The following PIP5K1B variants were observed in gnomAD, a reference collection of about 807,000 sequenced individuals.
PIP5K1B encodes the protein phosphatidylinositol 4-phosphate 5-kinase type-1 beta.
In PIP5K1B, 42 loss-of-function variants were observed where a neutral mutation model predicts 67.0. That is an observed-to-expected ratio of 0.63 (90% CI 0.49 to 0.81). The LOEUF (loss-of-function observed/expected upper bound fraction) is 0.81, where lower values mean the gene tolerates loss of function less well. Ranked by LOEUF, PIP5K1B falls within the 30% of genes least tolerant of loss-of-function variation. PIP5K1B has a pLI of 0.00. For missense variants in PIP5K1B, 459 were observed against 646.3 expected, an observed-to-expected ratio of 0.71 and a Z score of 3.14; for synonymous variants, 214 against 231.4, an observed-to-expected ratio of 0.92 and a Z score of 0.68.
intron 2 of PIP5K1B, among the ~76,000 whole-genome samples, chr9:68,758,511 AAG>A (rs1830042270): frequency 6.6e-6 from 1 of 152,158 alleles, no homozygotes; most frequent in African/African-American, 2.4e-5. Flanking sequence ...ACAGAGGTGA[AAG>A]AGAGGAAAGT....
At chr9:68,963,905 A>C (rs940735396) in intron 14 of PIP5K1B, 1 of 152,236 alleles carries the variant, frequency 6.6e-6, no homozygotes, top group Non-Finnish European at 1.5e-5. Flanking sequence ...AAGCCAAATT[A>C]AATGAAAGCT....
At chr9:68,955,883 G>A (rs1055223640) in intron 14 of PIP5K1B, among the ~76,000 whole-genome samples, 5 of 152,088 alleles carry the variant, frequency 3.3e-5, no homozygotes, top group African/African-American at 1.2e-4. Flanking sequence ...GATGTGTACT[G>A]TATGCAATGT....
intron 13 of PIP5K1B, among the ~76,000 whole-genome samples, chr9:68,937,192 C>G (rs763060066): frequency 6.6e-6 from 1 of 152,196 alleles, no homozygotes; most frequent in Non-Finnish European, 1.5e-5. Flanking sequence ...ATGGTATCAG[C>G]TCTTCTTTGT....
At chr9:68,943,131 G>T (rs1008127505) in intron 14 of PIP5K1B, among the ~76,000 whole-genome samples, 1 of 152,150 alleles carries the variant, frequency 6.6e-6, no homozygotes, top group African/African-American at 2.4e-5. Context: ...AAAATACCCA[G>T]ATTCTTTTGC....
chr9:68,995,805 CA>C (rs35764883), intron 15 of PIP5K1B, among the ~76,000 whole-genome samples: 3,858 of 100,278 alleles, frequency 0.038, 144 homozygotes, highest in African/African-American at 0.14. Context: ...AACTCCGTCT[CA>C]AAAAAAAAAA....
intron 5 of PIP5K1B, among the ~76,000 whole-genome samples, chr9:68,875,571 C>G (rs1823851584): frequency 6.6e-6 from 1 of 152,088 alleles, no homozygotes; most frequent in African/African-American, 2.4e-5. Flanking sequence ...ATGCAAGAAT[C>G]TGATTGATCT....
At chr9:68,840,616 A>T (rs1202289194) in intron 4 of PIP5K1B, among the ~76,000 whole-genome samples, 1 of 152,170 alleles carries the variant, frequency 6.6e-6, no homozygotes, top group African/African-American at 2.4e-5. Context: ...TTCTTGGCTC[A>T]TGGCCGCTTC....
intron 12 of PIP5K1B, among the ~76,000 whole-genome samples, chr9:68,934,240 A>G (rs1472976098): frequency 6.6e-6 from 1 of 152,228 alleles, no homozygotes; most frequent in Admixed American, 6.5e-5. Context: ...TCATTAGTTC[A>G]GGTTCCCAAC....
intron 1 of PIP5K1B, among the ~76,000 whole-genome samples, chr9:68,721,683 G>A (rs1018931579): frequency 3.9e-5 from 6 of 152,130 alleles, no homozygotes; most frequent in Non-Finnish European, 5.9e-5. Flanking sequence ...GCATGAGATC[G>A]AATGAGATTG....
At chr9:68,771,812 G>C (rs1490419942) in intron 2 of PIP5K1B, among the ~76,000 whole-genome samples, 3 of 152,150 alleles carry the variant, frequency 2.0e-5, no homozygotes, top group Non-Finnish European at 4.4e-5. Context: ...TAATAAGTGG[G>C]AACTTTCAGA....
chr9:68,889,191 GTT>G, intron 7 of PIP5K1B, 58 bp downstream of exon 7: 1 of 1,348,338 alleles, frequency 7.4e-7, no homozygotes, highest in Non-Finnish European at 1.0e-6. Flanking sequence ...TTCCTCAACA[GTT>G]TTTTTCTGTT....
intron 15 of PIP5K1B, 52 bp downstream of exon 15, chr9:68,991,309 C>T (rs755573738): frequency 2.1e-6 from 2 of 935,266 alleles, no homozygotes; most frequent in East Asian, 2.4e-5. Context: ...TAAATGGATC[C>T]AGGCCATGGC....
chr9:68,716,295 A>G (rs988861645), intron 1 of PIP5K1B, among the ~76,000 whole-genome samples: 3 of 152,252 alleles, frequency 2.0e-5, no homozygotes, highest in African/African-American at 7.2e-5. Context: ...AAGGGATGCC[A>G]TAACATATAA....
At chr9:68,862,822 A>AATATATAT (rs10573796) in intron 4 of PIP5K1B, among the ~76,000 whole-genome samples, 4 of 144,404 alleles carry the variant, frequency 2.8e-5, no homozygotes, top group African/African-American at 5.0e-5. Flanking sequence ...TAAATAAATA[A>AATATATAT]ATATATATAT....
intron 14 of PIP5K1B, among the ~76,000 whole-genome samples, chr9:68,984,675 T>A (rs971532985): frequency 6.6e-6 from 1 of 152,228 alleles, no homozygotes; most frequent in African/African-American, 2.4e-5. Flanking sequence ...TTAAATATGT[T>A]GTTTTAGAAA....
chr9:68,836,015 T>A (rs965376130), intron 4 of PIP5K1B, among the ~76,000 whole-genome samples: 1 of 151,508 alleles, frequency 6.6e-6, no homozygotes, highest in Non-Finnish European at 1.5e-5. Context: ...GACAATAGAG[T>A]TTTTCTGGGC....
chr9:68,804,250 T>C (rs1041688533), intron 2 of PIP5K1B, among the ~76,000 whole-genome samples: 1 of 151,972 alleles, frequency 6.6e-6, no homozygotes, highest in African/African-American at 2.4e-5. Flanking sequence ...TGAGGGAAAG[T>C]AGTCGATTCA....
intron 4 of PIP5K1B, among the ~76,000 whole-genome samples, chr9:68,853,823 C>T (rs1299112899): frequency 6.6e-6 from 1 of 152,146 alleles, no homozygotes; most frequent in East Asian, 1.9e-4. Flanking sequence ...AAAAAAGATA[C>T]ATACCTGGAC....
intron 1 of PIP5K1B, among the ~76,000 whole-genome samples, chr9:68,710,732 G>A (rs1378632935): frequency 6.6e-6 from 1 of 152,174 alleles, no homozygotes; most frequent in Admixed American, 6.5e-5. Flanking sequence ...AAACAAACTA[G>A]CACTGGAATA....
Sources: gnomAD v4.1 joint callset for allele counts (sites outside exome capture counted in the v4.1 genomes callset) on GRCh38, gnomAD v4.1.1 for gene constraint, MANE v1.5 for transcripts, NCBI Gene and HGNC (gene_info 2026-07-23, HGNC 2026-07-21) for gene names.